CARD19: variants seen among roughly 807,000 people sequenced by gnomAD.
CARD19 encodes caspase recruitment domain-containing protein 19.
In CARD19, 25 loss-of-function variants were observed where a neutral mutation model predicts 24.1. That is an observed-to-expected ratio of 1.04 (90% CI 0.76 to 1.45). CARD19 has a LOEUF of 1.45. Ranked by LOEUF, CARD19 falls within the 40% of genes most tolerant of loss-of-function variation. The pLI, the probability that CARD19 is intolerant of heterozygous loss-of-function variation, is 0.00. For synonymous variants in CARD19, 103 were observed against 104.9 expected, an observed-to-expected ratio of 0.98 and a Z score of 0.11; for missense variants, 241 against 247.4, an observed-to-expected ratio of 0.97 and a Z score of 0.17.
At chr9:93,102,280 A>AT (rs540760776) in intron 1 of CARD19, among the ~76,000 whole-genome samples, 121 of 152,084 alleles carry the variant, frequency 8.0e-4, no homozygotes, top group African/African-American at 2.8e-3. Context: ...CCTGATGAGC[A>AT]TTTTTTTGTG....
In CARD19 at chr9:93,098,602, T is replaced by C. The variant is rs1363417893; in HGVS notation, c.7+2250T>C. ...GTTCAGGGACTTGTTTATCGGGAGC[T>C]GGCACTGAGATGGTTTCCCTTCTTG... is the stretch of plus-strand genomic sequence containing the variant. On this transcript the variant is annotated intron_variant, in intron 1 of 5. Coordinates refer to ENST00000375464, the MANE Select transcript of CARD19 (RefSeq NM_032310.5). Among the ~76,000 whole-genome samples the C allele has an allele frequency of 3.3e-5, 5 of 152,370 alleles. No individual in the cohort carries two copies. In the East Asian group the frequency reaches 7.7e-4, roughly 24 times the overall value.
At chr9:93,109,825 G>C (rs1210073912) in intron 2 of CARD19, 1 of 152,150 alleles carries the variant, frequency 6.6e-6, no homozygotes, top group Non-Finnish European at 1.5e-5. Context: ...AATAACAGAA[G>C]TTAGCACTTA....
intron 5 of CARD19, among the ~76,000 whole-genome samples, chr9:93,112,662 A>G (rs957848827): frequency 6.6e-5 from 10 of 151,924 alleles, no homozygotes; most frequent in Non-Finnish European, 1.5e-4. Context: ...ATGCACAGGA[A>G]CCTTCCAGGG....
At chr9:93,097,743 A>C (rs1826934528) in intron 1 of CARD19, among the ~76,000 whole-genome samples, 1 of 152,142 alleles carries the variant, frequency 6.6e-6, no homozygotes, top group Admixed American at 6.5e-5. Context: ...TCTGCCTGTC[A>C]GGGAAGCTTC....
chr9:93,112,554 T>C (rs1241369751), intron 5 of CARD19, among the ~76,000 whole-genome samples: 2 of 152,156 alleles, frequency 1.3e-5, no homozygotes, highest in Non-Finnish European at 2.9e-5. Flanking sequence ...CTCTGGGTGT[T>C]ACAAAGCCCT....
intron 2 of CARD19, 37 bp from the exon 3 acceptor site, chr9:93,110,530 CT>C (rs762403325): frequency 1.3e-5 from 20 of 1,560,104 alleles, no homozygotes; most frequent in Admixed American, 3.5e-5. Flanking sequence ...GCCAGCCCCC[CT>C]GGCCTGATCT....
chr9:93,105,425 C>T (rs550149549), intron 1 of CARD19, among the ~76,000 whole-genome samples: 15 of 152,188 alleles, frequency 9.9e-5, no homozygotes, highest in Admixed American at 7.9e-4. Flanking sequence ...GGATTACAAG[C>T]GTGCGCCAAC....
intron 2 of CARD19, chr9:93,110,141 C>T: frequency 6.0e-6 from 1 of 166,634 alleles, no homozygotes; most frequent in Admixed American, 5.6e-5. Flanking sequence ...CTACAGGTGC[C>T]CACCACCACA....
At chr9:93,109,120 A>G (rs1827368476) in intron 2 of CARD19, 1 of 152,292 alleles carries the variant, frequency 6.6e-6, no homozygotes, top group Non-Finnish European at 1.5e-5. Context: ...AAGGTGGTAC[A>G]GTAATTTTAA....
intron 1 of CARD19, among the ~76,000 whole-genome samples, chr9:93,106,582 A>G (rs1426907405): frequency 1.3e-5 from 2 of 150,334 alleles, no homozygotes; most frequent in Non-Finnish European, 2.9e-5. Context: ...AAAAACAAAA[A>G]AAAAAAAACA....
chr9:93,109,748 G>C (rs1034580122), intron 2 of CARD19: 1 of 152,200 alleles, frequency 6.6e-6, no homozygotes, highest in Non-Finnish European at 1.5e-5. Flanking sequence ...GGGATTATAG[G>C]CATGAGCCAT....
intron 2 of CARD19, 176 bp from the exon 3 acceptor site, chr9:93,110,392 A>G: frequency 5.0e-6 from 5 of 1,008,934 alleles, no homozygotes. Context: ...GACAGAGGCA[A>G]TGCCAGGCAC....
chr9:93,112,024 G>A, intron 4 of CARD19, 86 bp downstream of exon 4: 1 of 1,514,444 alleles, frequency 6.6e-7, no homozygotes, highest in Non-Finnish European at 8.9e-7. Flanking sequence ...CCGCCTCAGG[G>A]GCTTCTCCAC....
intron 4 of CARD19, 77 bp downstream of exon 4, chr9:93,112,015 C>T (rs1304772209): frequency 4.5e-5 from 69 of 1,529,256 alleles, no homozygotes; most frequent in Non-Finnish European, 5.3e-5. Flanking sequence ...GCTCCATCTC[C>T]GCCTCAGGGG....
At chr9:93,100,891 C>T (rs554483007) in intron 1 of CARD19, among the ~76,000 whole-genome samples, 89 of 152,314 alleles carry the variant, frequency 5.8e-4, no homozygotes, top group African/African-American at 2.0e-3. Context: ...GTAACATCCA[C>T]GTATCATAAT....
chr9:93,107,610 C>G, intron 1 of CARD19, 64 bp from the exon 2 acceptor site: 1 of 1,584,842 alleles, frequency 6.3e-7, no homozygotes, highest in Non-Finnish European at 8.6e-7. Context: ...AGTGTCAGTA[C>G]GAGGCTGTCG....
chr9:93,098,142 G>T (rs1198812814), intron 1 of CARD19, among the ~76,000 whole-genome samples: 1 of 152,238 alleles, frequency 6.6e-6, no homozygotes, highest in Non-Finnish European at 1.5e-5. Context: ...CGGGGAGTGA[G>T]CAGTTTTAGT....
At chr9:93,098,801 G>C (rs1389515398) in intron 1 of CARD19, among the ~76,000 whole-genome samples, 1 of 152,058 alleles carries the variant, frequency 6.6e-6, no homozygotes, top group African/African-American at 2.4e-5. Context: ...GCTCTGCCTG[G>C]TTAGCGGCTT....
chr9:93,106,747 A>G (rs1380740716), intron 1 of CARD19, among the ~76,000 whole-genome samples: 1 of 152,082 alleles, frequency 6.6e-6, no homozygotes, highest in Non-Finnish European at 1.5e-5. Flanking sequence ...TTATAGTAAC[A>G]CATTTAGAGT....
Sources: gnomAD v4.1 joint callset for allele counts (sites outside exome capture counted in the v4.1 genomes callset) on GRCh38, gnomAD v4.1.1 for gene constraint, MANE v1.5 for transcripts, NCBI Gene and HGNC (gene_info 2026-07-23, HGNC 2026-07-21) for gene names.